AP1M1: variants seen among roughly 807,000 people sequenced by gnomAD.
AP1M1 encodes the protein AP-1 complex subunit mu-1.
Under a neutral mutation model 57.1 loss-of-function variants are expected in AP1M1, and 18 were observed. The observed-to-expected ratio is 0.32, with a 90% CI of 0.22 to 0.47. The LOEUF is 0.47. Among genes scored for constraint, AP1M1 ranks in the 20% least tolerant of loss-of-function variants. AP1M1 has a pLI of 1.00. For synonymous variants in AP1M1, 241 were observed against 237.9 expected (o/e 1.01, Z -0.12); for missense variants, 362 against 593.5 (o/e 0.61, Z 4.05).
At chr19:16,199,736 G>A (rs2091439576) in intron 1 of AP1M1, among the ~76,000 whole-genome samples, 1 of 152,206 alleles carries the variant, frequency 6.6e-6, no homozygotes, top group Non-Finnish European at 1.5e-5. Flanking sequence ...ACCCGTCTTA[G>A]AGCACGCCAG....
In AP1M1 at chr19:16,206,480, C is replaced by G; in HGVS notation, c.267+72C>G. 6.7e-7 allele frequency: 1 copy of G among 1,498,996 alleles called. No individual in the cohort carries two copies. The highest frequency in any genetic ancestry group is 1.7e-5 in the Admixed American group (1 of 59,532). 92.9% of individuals were successfully genotyped at this position (1,498,996 alleles called of 1,614,324 possible). A position where few individuals can be genotyped will look rare whatever the true frequency, so the allele number is the denominator to read the frequency against. On this transcript the variant is annotated intron_variant, in intron 3 of 11. Coordinates refer to ENST00000291439, the MANE Select transcript of AP1M1 (RefSeq NM_032493.4). This position sits in a 1 kb window ranked among gnomAD's most constrained non-coding sequence, Gnocchi z 4.3. The stretch of plus-strand genomic sequence containing the variant: ...GGCTCTGCTTGTGGACCTCCCCATA[C>G]CTGGCCACCCTACAGAGAGCTGTGG...
chr19:16,218,776 G>A lies in AP1M1; in HGVS notation c.547-7645G>A, dbSNP rs535806839. 2.6e-5 allele frequency among the ~76,000 whole-genome samples: 4 copies of A among 152,264 alleles called. No individual in the cohort carries two copies. The East Asian group carries it at 7.7e-4, about 29-fold the overall frequency. On this transcript the variant is annotated intron_variant, in intron 5 of 11. Transcript: ENST00000291439. ...TTGGGTAAGCAAGGTATAGAGGGAA[G>A]GGACCCAGAGCTTCCTTGCCCTCTC...
intron 5 of AP1M1, among the ~76,000 whole-genome samples, chr19:16,211,964 C>T (rs1053853157): frequency 5.3e-5 from 8 of 152,034 alleles, no homozygotes; most frequent in Non-Finnish European, 8.8e-5. Flanking sequence ...TTGATTGTGG[C>T]GGATTAGCTT....
chr19:16,229,884 G>A (rs1024787844), intron 9 of AP1M1, among the ~76,000 whole-genome samples: 1 of 152,220 alleles, frequency 6.6e-6, no homozygotes, highest in Admixed American at 6.5e-5. Flanking sequence ...CTGCGGCAGA[G>A]CGTTTTCCTT....
At chr19:16,215,824 C>T (rs1266609799) in intron 5 of AP1M1, among the ~76,000 whole-genome samples, 2 of 152,128 alleles carry the variant, frequency 1.3e-5, no homozygotes, top group Non-Finnish European at 2.9e-5. Flanking sequence ...GATTTGCTCT[C>T]TTTTTTAATC....
chr19:16,231,511 A>G (rs1055043515), intron 9 of AP1M1, among the ~76,000 whole-genome samples: 1 of 151,344 alleles, frequency 6.6e-6, no homozygotes, highest in African/African-American at 2.4e-5. Context: ...GCTTGCTGCA[A>G]CTCCACCTCC....
chr19:16,217,540 G>A (rs1013488464), intron 5 of AP1M1, among the ~76,000 whole-genome samples: 7 of 152,022 alleles, frequency 4.6e-5, no homozygotes, highest in African/African-American at 1.7e-4. Context: ...AGTATTCCCC[G>A]TTCAGGTACA....
chr19:16,205,574 G>A (rs545960277), intron 2 of AP1M1, among the ~76,000 whole-genome samples: 34 of 152,216 alleles, frequency 2.2e-4, no homozygotes, highest in Non-Finnish European at 3.5e-4. Context: ...CTGGGCAGAC[G>A]AGCCAGGCAG....
intron 9 of AP1M1, among the ~76,000 whole-genome samples, chr19:16,231,769 A>G (rs1005442522): frequency 6.6e-6 from 1 of 152,218 alleles, no homozygotes; most frequent in Non-Finnish European, 1.5e-5. Flanking sequence ...TTCAAGATCC[A>G]GCTTCCATTT....
chr19:16,231,237 A>T (rs10405556), intron 9 of AP1M1, among the ~76,000 whole-genome samples: 1 of 146,980 alleles, frequency 6.8e-6, no homozygotes. Context: ...GCAGTGAGCC[A>T]AGATTGCACC....
intron 9 of AP1M1, 69 bp from the exon 10 acceptor site, chr19:16,233,424 T>C (rs1156828864): frequency 2.0e-6 from 3 of 1,472,642 alleles, no homozygotes; most frequent in Non-Finnish European, 2.7e-6. Context: ...CCATCGCCAC[T>C]AGGGCCAGAG....
Position 16,238,980 on chromosome 19 carries a change from C to A in AP1M1, c.*4545C>A, listed in dbSNP as rs191341292. The A allele has an allele frequency of 6.5e-6, 1 of 153,074 alleles. No individual in the cohort carries two copies. Among genetic ancestry groups the A allele is most frequent in the East Asian group, 1.9e-4 (1 of 5,230 alleles). 9.5% of individuals were successfully genotyped at this position (153,074 alleles called of 1,614,324 possible). A position where few individuals can be genotyped will look rare whatever the true frequency, so the allele number is the denominator to read the frequency against. ...CAGAGTTTTGCTCTTGTTGCCCAGG[C>A]TGGAGTGCAATGGTGTGATCTCGGC... On this transcript the variant is annotated 3_prime_UTR_variant, in exon 12 of 12. Coordinates refer to ENST00000291439, the MANE Select transcript of AP1M1 (RefSeq NM_032493.4).
Position 16,234,495 on chromosome 19 carries a change from A to G in AP1M1, c.*60A>G. The G allele has an allele frequency of 6.2e-7, 1 of 1,602,598 alleles. No homozygotes were observed. Among genetic ancestry groups the G allele is most frequent in the Non-Finnish European group, 8.5e-7 (1 of 1,174,632 alleles). ...TCCTGGTGGCAGCACCAGGGGACACACCTGCCAAACCCACCAGATGGAGGG... is the reference window on the plus strand; with the variant it reads ...TCCTGGTGGCAGCACCAGGGGACACGCCTGCCAAACCCACCAGATGGAGGG... On this transcript the variant is annotated 3_prime_UTR_variant, in exon 12 of 12. Transcript: ENST00000291439.
At chr19:16,226,183 G>C (rs2091570495) in intron 5 of AP1M1, among the ~76,000 whole-genome samples, 1 of 152,156 alleles carries the variant, frequency 6.6e-6, no homozygotes, top group Non-Finnish European at 1.5e-5. Context: ...CAGGGCCTCG[G>C]CATGAAGGCT....
In AP1M1 at chr19:16,240,031, CTTTT is replaced by C. The variant is rs1437012100; in HGVS notation, c.*5599_*5602del. 1.3e-5 allele frequency: 2 copies of C among 152,050 alleles called. No homozygotes were observed. The highest frequency in any genetic ancestry group is 1.9e-4 in the East Asian group (1 of 5,200). The allele number at this position is 152,050 out of a possible 1,614,324, so 9.4% of individuals were successfully genotyped here. ...TCTGTGCTGGACATGTACAGGTTTTCTTTTTTATTGTCATTATTCCTTAAATAAT... is the reference window on the plus strand; with the variant it reads ...TCTGTGCTGGACATGTACAGGTTTTCTTATTGTCATTATTCCTTAAATAAT... On this transcript the variant is annotated 3_prime_UTR_variant, in exon 12 of 12. Coordinates refer to ENST00000291439, the MANE Select transcript of AP1M1 (RefSeq NM_032493.4).
chr19:16,201,189 C>G (rs1348127410), intron 1 of AP1M1, among the ~76,000 whole-genome samples: 2 of 152,078 alleles, frequency 1.3e-5, no homozygotes, highest in African/African-American at 4.8e-5. Context: ...TTACTGAGCA[C>G]CTACTATGGT....
rs370663435 is a variant in AP1M1, at chr19:16,244,882, T to TTTTTTTTTTTG, written c.*10449_*10450insTTTTTTTTGTT. 2 of 149,574 alleles carry TTTTTTTTTTTG rather than the reference T, an allele frequency of 1.3e-5. No individual in the cohort carries two copies. Among genetic ancestry groups the TTTTTTTTTTTG allele is most frequent in the African/African-American group, 5.0e-5 (2 of 39,910 alleles). 9.3% of individuals were successfully genotyped at this position (149,574 alleles called of 1,614,324 possible). ...TAAATAACATGGATAAAATTTGTTG[T>TTTTTTTTTTTG]TTGTTGTTGTTGTTGTTGTTGTTGT... On this transcript the variant is annotated 3_prime_UTR_variant, in exon 12 of 12. Transcript: ENST00000291439.
At chr19:16,198,666 C>G (rs1421899353) in intron 1 of AP1M1, among the ~76,000 whole-genome samples, 1 of 152,226 alleles carries the variant, frequency 6.6e-6, no homozygotes, top group East Asian at 1.9e-4. Flanking sequence ...ACCAAGGTCA[C>G]AATGGTCACA....
intron 5 of AP1M1, among the ~76,000 whole-genome samples, chr19:16,221,890 C>T (rs1163129283): frequency 2.6e-5 from 4 of 152,236 alleles, no homozygotes; most frequent in Middle Eastern, 3.4e-3. Flanking sequence ...TTCTCCATGT[C>T]GATCAGGCTG....
Sources: gnomAD v4.1 joint callset for allele counts (sites outside exome capture counted in the v4.1 genomes callset) on GRCh38, gnomAD v4.1.1 for gene constraint, Gnocchi (gnomAD v3.1) non-coding constraint, MANE v1.5 for transcripts, NCBI Gene and HGNC (gene_info 2026-07-23, HGNC 2026-07-21) for gene names.